The following XRCC6 variants were observed in gnomAD, a reference collection of about 807,000 sequenced individuals.
XRCC6 encodes the protein DNA repair protein Ku70.
In XRCC6, 5 loss-of-function variants were observed where a neutral mutation model predicts 65.7. The observed-to-expected ratio is 0.08, with a 90% CI of 0.04 to 0.16. XRCC6 has a LOEUF of 0.16. XRCC6 is among the 10% of genes least tolerant of loss of function. XRCC6 has a pLI of 1.00. For synonymous variants in XRCC6, 270 were observed against 270.6 expected, an observed-to-expected ratio of 1.00 and a Z score of 0.02; for missense variants, 447 against 738.1, an observed-to-expected ratio of 0.61 and a Z score of 4.57.
At chr22:41,655,114 G>C (rs760643636) in intron 9 of XRCC6, among the ~76,000 whole-genome samples, 1 of 152,138 alleles carries the variant, frequency 6.6e-6, no homozygotes, top group Non-Finnish European at 1.5e-5. Flanking sequence ...TTGTGTTCAG[G>C]TCACCCTTAT....
chr22:41,652,839 A>G (rs1278654069), intron 8 of XRCC6, among the ~76,000 whole-genome samples: 1 of 151,902 alleles, frequency 6.6e-6, no homozygotes, highest in East Asian at 1.9e-4. Flanking sequence ...ATGCCCAGCT[A>G]ATTTTTGTAT....
chr22:41,649,741 G>C (rs909383324), intron 7 of XRCC6, among the ~76,000 whole-genome samples: 1 of 152,044 alleles, frequency 6.6e-6, no homozygotes, highest in East Asian at 1.9e-4. Flanking sequence ...TATAGTCCCA[G>C]CTACTCGTGG....
At chr22:41,637,465 A>T in intron 5 of XRCC6, 143 bp from the exon 6 acceptor site, 1 of 717,934 alleles carries the variant, frequency 1.4e-6, no homozygotes, top group Non-Finnish European at 2.2e-6. Context: ...TGGTTTCCTT[A>T]GTCACTTTTT....
chr22:41,655,342 T>C (rs201853508), intron 9 of XRCC6, among the ~76,000 whole-genome samples: 1 of 151,596 alleles, frequency 6.6e-6, no homozygotes, highest in Non-Finnish European at 1.5e-5. Flanking sequence ...TTTTTTTTTT[T>C]ATGCTGAGGT....
chr22:41,651,342 A>G (rs1274534982), intron 8 of XRCC6, among the ~76,000 whole-genome samples: 6 of 132,730 alleles, frequency 4.5e-5, no homozygotes, highest in African/African-American at 1.3e-4. Flanking sequence ...GAAATGTGGG[A>G]ATGAAGAAAG....
intron 11 of XRCC6, among the ~76,000 whole-genome samples, chr22:41,659,851 A>G (rs2068083514): frequency 6.6e-6 from 1 of 151,040 alleles, no homozygotes; most frequent in Non-Finnish European, 1.5e-5. Context: ...TGCCTGGCTG[A>G]TTTTTGTATT....
intron 7 of XRCC6, among the ~76,000 whole-genome samples, chr22:41,647,551 A>G (rs2067945458): frequency 1.4e-5 from 2 of 147,744 alleles, no homozygotes. Context: ...ATTGCGCTCC[A>G]GCCTGGGCAA....
chr22:41,646,727 AGGTG>A (rs1255293607), intron 6 of XRCC6, among the ~76,000 whole-genome samples, 165 bp from the exon 7 acceptor site: 9 of 152,158 alleles, frequency 5.9e-5, no homozygotes, highest in Admixed American at 5.9e-4. Context: ...ACAGATTCTG[AGGTG>A]GTATAGCAAA....
chr22:41,622,852 G>A (rs1221583100), intron 2 of XRCC6, among the ~76,000 whole-genome samples: 1 of 151,988 alleles, frequency 6.6e-6, no homozygotes, highest in Non-Finnish European at 1.5e-5. Flanking sequence ...GGCTGAGGCA[G>A]GAGAATGGTG....
intron 6 of XRCC6, 148 bp downstream of exon 6, chr22:41,637,939 C>T (rs2067827012): frequency 7.0e-6 from 3 of 429,958 alleles, no homozygotes; most frequent in African/African-American, 2.5e-5. Context: ...GCTTGGGCAA[C>T]ATGGCAAGAC....
intron 6 of XRCC6, among the ~76,000 whole-genome samples, chr22:41,644,534 G>A (rs1444436038): frequency 6.6e-6 from 1 of 152,114 alleles, no homozygotes; most frequent in Non-Finnish European, 1.5e-5. Flanking sequence ...GTCCCAGGCT[G>A]GAGTGCAGTG....
At position 41,621,945 on chromosome 22, in the gene XRCC6, TCGA is replaced by T; in HGVS notation, c.-15-44_-15-42del. 7 of 1,589,594 alleles carry T rather than the reference TCGA, an allele frequency of 4.4e-6. No individual in the cohort carries two copies. The Admixed American group carries it at 5.0e-5, about 11-fold the overall frequency. ...CAAGAACCTAGAGGTCGGTATTTTT[TCGA>T]TTTAAATTTGCCTGTTACTGACGTT... On this transcript the variant is annotated intron_variant, in intron 1 of 12. Coordinates refer to ENST00000360079, the MANE Select transcript of XRCC6 (RefSeq NM_001469.5).
chr22:41,638,446 T>C (rs2067835276), intron 6 of XRCC6, among the ~76,000 whole-genome samples: 1 of 152,042 alleles, frequency 6.6e-6, no homozygotes, highest in African/African-American at 2.4e-5. Context: ...ATGGTAAGTA[T>C]TTGTGTATCT....
At chr22:41,624,463 G>C (rs2067646403) in intron 2 of XRCC6, among the ~76,000 whole-genome samples, 1 of 151,780 alleles carries the variant, frequency 6.6e-6, no homozygotes, top group South Asian at 2.1e-4. Context: ...GAGGCAGGTG[G>C]ATCACAAGGT....
In XRCC6 at chr22:41,650,735, C is replaced by T; in HGVS notation, c.973C>T (p.Arg325Cys). The T allele has an allele frequency of 2.5e-6, 4 of 1,613,160 alleles. No individual in the cohort carries two copies. Among genetic ancestry groups the T allele is most frequent in the Non-Finnish European group, 2.5e-6 (3 of 1,179,708 alleles). ...TCTTCTCCTTCAGATCTATGGGAGT[C>T]GTCAGATTATACTGGAGAAAGAGGA... ...DTKRSQIYGS[R>C]QIILEKEETE... The change falls in exon 8 of 13, where the codon CGT becomes TGT. Residue 325 changes from arginine to cysteine, a missense_variant. Coordinates refer to ENST00000360079, the MANE Select transcript of XRCC6 (RefSeq NM_001469.5).
intron 12 of XRCC6, 48 bp from the exon 13 acceptor site, chr22:41,663,574 A>G: frequency 1.3e-6 from 2 of 1,568,934 alleles, no homozygotes; most frequent in South Asian, 1.2e-5. Flanking sequence ...CTGGGATGCC[A>G]CTTGTATGTA....
intron 6 of XRCC6, among the ~76,000 whole-genome samples, chr22:41,646,091 C>T (rs950656073): frequency 6.6e-6 from 1 of 151,920 alleles, no homozygotes; most frequent in African/African-American, 2.4e-5. Flanking sequence ...ATCACGAGGT[C>T]AGGAGTTCAA....
chr22:41,629,987 T>A (rs2067722009), intron 3 of XRCC6, among the ~76,000 whole-genome samples: 2 of 146,798 alleles, frequency 1.4e-5, no homozygotes, highest in African/African-American at 5.1e-5. Flanking sequence ...TTTATGCTTT[T>A]TTTTTTTTTT....
Position 41,661,723 on chromosome 22 carries a change from T to C in XRCC6, c.1636+279T>C, listed in dbSNP as rs28384782. ...ACTAGAGCTACCATATGATCCAGCA[T>C]ACCATATGATCCAGTCAGTATATAC... On this transcript the variant is annotated intron_variant, in intron 12 of 12. Coordinates refer to ENST00000360079, the MANE Select transcript of XRCC6 (RefSeq NM_001469.5). The C allele has an allele frequency of 3.0e-4, 110 of 364,072 alleles. 3 individuals carry two copies. In the East Asian group the frequency reaches 6.2e-3, roughly 21 times the overall value. 22.6% of individuals were successfully genotyped at this position (364,072 alleles called of 1,614,324 possible). A position where few individuals can be genotyped will look rare whatever the true frequency, so the allele number is the denominator to read the frequency against.
Sources: allele counts gnomAD v4.1 joint callset (sites outside exome capture counted in the v4.1 genomes callset), GRCh38; gene constraint gnomAD v4.1.1; transcripts MANE v1.5; gene names NCBI Gene and HGNC (gene_info 2026-07-23, HGNC 2026-07-21).